ATG16L1: variants seen among roughly 807,000 people sequenced by gnomAD.
ATG16L1 encodes the protein autophagy-related protein 16-1.
In ATG16L1, 37 loss-of-function variants were observed where a neutral mutation model predicts 88.5. The ratio of observed to expected loss-of-function variants is 0.42; its 90% CI spans 0.32 to 0.55. ATG16L1 has a LOEUF of 0.55. Ranked by LOEUF, ATG16L1 falls within the 20% of genes least tolerant of loss-of-function variation. ATG16L1 has a pLI of 0.13. For missense variants in ATG16L1, 554 were observed against 752.8 expected (o/e 0.74, Z 3.09); for synonymous variants, 301 against 281.0 (o/e 1.07, Z -0.71).
intron 5 of ATG16L1, among the ~76,000 whole-genome samples, chr2:233,266,426 T>G (rs1359058919): frequency 6.6e-6 from 1 of 152,160 alleles, no homozygotes; most frequent in Non-Finnish European, 1.5e-5. Flanking sequence ...GCCACTGCAT[T>G]CCAGCCTGAG....
chr2:233,283,332 A>C (rs891770870), intron 12 of ATG16L1, among the ~76,000 whole-genome samples: 5 of 152,146 alleles, frequency 3.3e-5, no homozygotes, highest in Non-Finnish European at 7.3e-5. Context: ...AGGGCGAAGC[A>C]TGTAACTTAA....
At chr2:233,270,970 C>T (rs1440123585) in intron 6 of ATG16L1, among the ~76,000 whole-genome samples, 3 of 152,196 alleles carry the variant, frequency 2.0e-5, no homozygotes, top group Non-Finnish European at 4.4e-5. Flanking sequence ...CAACTAACGT[C>T]TTAATTTACA....
chr2:233,271,102 T>C (rs1208551026), intron 6 of ATG16L1, among the ~76,000 whole-genome samples: 1 of 152,190 alleles, frequency 6.6e-6, no homozygotes, highest in Non-Finnish European at 1.5e-5. Flanking sequence ...AGTAAATAAA[T>C]AGTTGACCTG....
At chr2:233,263,947 G>C in intron 3 of ATG16L1, 45 bp from the exon 4 acceptor site, 2 of 1,589,910 alleles carry the variant, frequency 1.3e-6, no homozygotes, top group South Asian at 1.1e-5. Flanking sequence ...TCCAAATGAG[G>C]TCCTAAAATT....
At position 233,263,979 on chromosome 2, in the gene ATG16L1, CTTT is replaced by C. The variant is rs766066227; in HGVS notation, c.316-12_316-10del. ...AATTTTTATTTATGAAAGTATTCTT[CTTT>C]ATCTCCCAGTTAGCTCAACTGGTGA... On this transcript the variant is annotated splice_polypyrimidine_tract_variant and intron_variant, in intron 3 of 17. Coordinates refer to ENST00000392017, the MANE Select transcript of ATG16L1 (RefSeq NM_030803.7). 2.9e-5 allele frequency: 47 copies of C among 1,613,160 alleles called. No individual in the cohort carries two copies. The Admixed American group carries it at 7.2e-4, about 25-fold the overall frequency.
chr2:233,280,770 A>G (rs1322124555), intron 10 of ATG16L1, among the ~76,000 whole-genome samples: 1 of 152,258 alleles, frequency 6.6e-6, no homozygotes, highest in East Asian at 1.9e-4. Flanking sequence ...GTGGAACTGA[A>G]TAAACCCAGT....
At chr2:233,259,755 C>G (rs1396636927) in intron 2 of ATG16L1, among the ~76,000 whole-genome samples, 1 of 152,184 alleles carries the variant, frequency 6.6e-6, no homozygotes, top group Non-Finnish European at 1.5e-5. Flanking sequence ...CCCTCTAGAT[C>G]TTCCCATCTC....
At chr2:233,288,785 A>T (rs773481282) in intron 12 of ATG16L1, 6 of 519,104 alleles carry the variant, frequency 1.2e-5, no homozygotes, top group African/African-American at 1.2e-4. Flanking sequence ...CGATGGGCAG[A>T]AGGGCAGCTG....
intron 1 of ATG16L1, among the ~76,000 whole-genome samples, chr2:233,252,891 A>G (rs541717958): frequency 6.6e-6 from 1 of 152,316 alleles, no homozygotes; most frequent in South Asian, 2.1e-4. Flanking sequence ...GACTTTCTCA[A>G]GTTATGCTGT....
chr2:233,266,617 T>G (rs2125231214), intron 5 of ATG16L1, among the ~76,000 whole-genome samples: 1 of 151,764 alleles, frequency 6.6e-6, no homozygotes, highest in Non-Finnish European at 1.5e-5. Flanking sequence ...TAGGAAAGAG[T>G]CTTTTAAAGG....
chr2:233,293,431 GT>G, intron 17 of ATG16L1, 74 bp downstream of exon 17: 1 of 1,382,194 alleles, frequency 7.2e-7, no homozygotes, highest in Non-Finnish European at 1.0e-6. Flanking sequence ...GGGTCATCCG[GT>G]TTAGACCTCA....
At chr2:233,291,352 G>A (rs760313401) in intron 14 of ATG16L1, among the ~76,000 whole-genome samples, 1 of 152,210 alleles carries the variant, frequency 6.6e-6, no homozygotes, top group Admixed American at 6.5e-5. Flanking sequence ...TTGGATGTTC[G>A]AAGTCTCTTA....
At position 233,289,859 on chromosome 2, in the gene ATG16L1, A is replaced by C. The variant is rs746086369; in HGVS notation, c.1209A>C (p.Thr403=). ...GGCTGTGTTCTCTCTCCTAGCACAC[A>C]CTCACGGGACACAGTGGGAAAGTGC... ...WTVDDYRLRH[T]LTGHSGKVLS... Residue 403 remains threonine, a synonymous_variant, in exon 13 of 18, where the codon ACA becomes ACC. Transcript: ENST00000392017. The C allele has an allele frequency of 5.0e-6, 8 of 1,613,952 alleles. 1 individual carries two copies. In the African/African-American group the frequency reaches 8.0e-5, roughly 16 times the overall value.
chr2:233,252,287 G>T (rs1696429893), intron 1 of ATG16L1, among the ~76,000 whole-genome samples: 1 of 152,210 alleles, frequency 6.6e-6, no homozygotes, highest in African/African-American at 2.4e-5. Context: ...TTGACTTTCA[G>T]TCGCAGAATT....
intron 14 of ATG16L1, among the ~76,000 whole-genome samples, chr2:233,291,273 T>A (rs1200858692): frequency 6.6e-6 from 1 of 152,224 alleles, no homozygotes; most frequent in Non-Finnish European, 1.5e-5. Flanking sequence ...CTTCACATTT[T>A]ATTCATAATC....
chr2:233,273,998 G>A (rs1207620809), intron 8 of ATG16L1: 13 of 1,550,870 alleles, frequency 8.4e-6, no homozygotes, highest in East Asian at 7.3e-5. Context: ...TAGTCTGTCC[G>A]AGTCTCCCCT....
rs943633084 is a variant in ATG16L1 at position 233,284,155 on chromosome 2, T to C, written c.1203+1402T>C. On this transcript the variant is annotated intron_variant, in intron 12 of 17. Transcript: ENST00000392017. The stretch of plus-strand genomic sequence containing the variant: ...CACCGTGCCCAGCCTAAATTTCTTT[T>C]TTCTTTTTTTTTTTTCTGAGATGGA... Among the ~76,000 whole-genome samples, 22 of 5,780 alleles carry C rather than the reference T, an allele frequency of 3.8e-3. No individual in the cohort carries two copies. The South Asian group carries it at 0.15, about 38-fold the overall frequency. 3.8% of individuals were successfully genotyped at this position (5,780 alleles called of 152,430 possible).
intron 6 of ATG16L1, among the ~76,000 whole-genome samples, chr2:233,272,072 TTC>T (rs1698034812): frequency 6.6e-6 from 1 of 152,236 alleles, no homozygotes; most frequent in Non-Finnish European, 1.5e-5. Context: ...GGAAAAATCT[TTC>T]TGTCAAGTTC....
At chr2:233,254,121 CTT>C (rs201311145) in intron 1 of ATG16L1, among the ~76,000 whole-genome samples, 2,193 of 152,090 alleles carry the variant, frequency 0.014, 48 homozygotes, top group African/African-American at 0.05. Flanking sequence ...AGCGTTATCT[CTT>C]TGACACAAAT....
Sources: allele counts gnomAD v4.1 joint callset (sites outside exome capture counted in the v4.1 genomes callset), GRCh38; gene constraint gnomAD v4.1.1; transcripts MANE v1.5; gene names NCBI Gene and HGNC (gene_info 2026-07-23, HGNC 2026-07-21).